WWOX: variants seen among roughly 807,000 people sequenced by gnomAD.
The protein encoded by WWOX is WW domain-containing oxidoreductase.
In WWOX, 69 loss-of-function variants were observed where a neutral mutation model predicts 46.2. That is an observed-to-expected ratio of 1.49 (90% CI 1.23 to 1.82). The LOEUF (loss-of-function observed/expected upper bound fraction) is 1.82. WWOX is among the 40% of genes most tolerant of loss of function. WWOX has a pLI of 0.00. For missense variants in WWOX, 919 were observed against 542.6 expected (o/e 1.69, Z -6.89); for synonymous variants, 359 against 202.6 (o/e 1.77, Z -6.56).
chr16:79,125,240 C>T (rs931193671), intron 8 of WWOX, among the ~76,000 whole-genome samples: 1 of 152,076 alleles, frequency 6.6e-6, no homozygotes, highest in African/African-American at 2.4e-5. Flanking sequence ...GCCAAGAATT[C>T]GATTGGCATT....
intron 8 of WWOX, among the ~76,000 whole-genome samples, chr16:79,180,978 T>C (rs1020350548): frequency 1.3e-5 from 2 of 152,226 alleles, no homozygotes; most frequent in Non-Finnish European, 2.9e-5. Flanking sequence ...GAGATCATAT[T>C]GTATGTCTGA....
At chr16:78,690,277 G>A (rs921621012) in intron 8 of WWOX, among the ~76,000 whole-genome samples, 8 of 152,158 alleles carry the variant, frequency 5.3e-5, no homozygotes, top group South Asian at 2.1e-4. Context: ...TTGGCCAGGC[G>A]TGGTGGCTCA....
intron 8 of WWOX, among the ~76,000 whole-genome samples, chr16:78,967,560 C>A (rs143607420): frequency 6.6e-6 from 1 of 151,014 alleles, no homozygotes; most frequent in Non-Finnish European, 1.5e-5. Context: ...CCATCTTGGC[C>A]TCCCAGAGTG....
intron 8 of WWOX, among the ~76,000 whole-genome samples, chr16:79,166,144 T>A (rs935910366): frequency 2.6e-5 from 4 of 152,206 alleles, no homozygotes; most frequent in African/African-American, 9.6e-5. Context: ...TGACTTTTTT[T>A]AATAGTGCAA....
At chr16:78,735,725 A>G (rs8046392) in intron 8 of WWOX, among the ~76,000 whole-genome samples, 34,125 of 152,098 alleles carry the variant, frequency 0.22, 4,800 homozygotes, top group African/African-American at 0.39. Context: ...TTCTATGTCA[A>G]TGATGGTACC....
intron 6 of WWOX, among the ~76,000 whole-genome samples, chr16:78,424,647 C>T (rs534028879): frequency 9.2e-5 from 14 of 152,284 alleles, no homozygotes; most frequent in African/African-American, 3.1e-4. Context: ...TCCTCAGCAA[C>T]GGAGGACAGT....
At chr16:78,896,856 T>C (rs1567633745) in intron 8 of WWOX, 1 of 152,030 alleles carries the variant, frequency 6.6e-6, no homozygotes, top group Non-Finnish European at 1.5e-5. Flanking sequence ...ATTAGCATAT[T>C]TTAAATATAC....
intron 8 of WWOX, chr16:78,552,503 C>T (rs2044197816): frequency 6.6e-6 from 1 of 152,204 alleles, no homozygotes; most frequent in South Asian, 2.1e-4. Flanking sequence ...TGCTGGTTTT[C>T]TGAGTGAGGG....
chr16:78,839,117 C>A (rs2052069869), intron 8 of WWOX, among the ~76,000 whole-genome samples: 1 of 152,158 alleles, frequency 6.6e-6, no homozygotes, highest in Admixed American at 6.5e-5. Context: ...TGAATCTACA[C>A]TTATCTCAAA....
intron 8 of WWOX, among the ~76,000 whole-genome samples, chr16:79,063,558 C>T (rs531629281): frequency 1.3e-5 from 2 of 152,256 alleles, no homozygotes; most frequent in South Asian, 2.1e-4. Context: ...TCTGGAAAAC[C>T]AAATGGAGAA....
chr16:78,834,812 T>A (rs2051931683), intron 8 of WWOX, among the ~76,000 whole-genome samples: 1 of 152,182 alleles, frequency 6.6e-6, no homozygotes, highest in South Asian at 2.1e-4. Flanking sequence ...ACCAAAAAAA[T>A]TATGCAATAT....
intron 5 of WWOX, among the ~76,000 whole-genome samples, chr16:78,309,315 G>T (rs1597464466): frequency 6.6e-6 from 1 of 152,174 alleles, no homozygotes; most frequent in East Asian, 1.9e-4. Flanking sequence ...CTGGTGCTTT[G>T]CTTCCACTCT....
intron 8 of WWOX, among the ~76,000 whole-genome samples, chr16:78,862,041 C>G (rs138201395): frequency 2.0e-3 from 306 of 152,134 alleles, no homozygotes; most frequent in African/African-American, 7.1e-3. Flanking sequence ...ACACATGTAT[C>G]TATTATATAT....
At chr16:78,656,008 G>A (rs1225942931) in intron 8 of WWOX, among the ~76,000 whole-genome samples, 2 of 152,174 alleles carry the variant, frequency 1.3e-5, no homozygotes, top group Non-Finnish European at 2.9e-5. Context: ...ACAACATTGA[G>A]TGAGGTCTAG....
At chr16:78,504,860 T>A (rs897750100) in intron 8 of WWOX, among the ~76,000 whole-genome samples, 1 of 152,056 alleles carries the variant, frequency 6.6e-6, no homozygotes, top group South Asian at 2.1e-4. Flanking sequence ...TTCTAGAATA[T>A]CTCGAGTTCT....
rs865793973 is a variant in WWOX at position 78,876,026 on chromosome 16, A to G, written c.1057-335582A>G. On this transcript the variant is annotated intron_variant, in intron 8 of 8. Transcript: ENST00000566780. ...TCTCCCACCCTCTCTTATTTTTATA[A>G]ACAGGCTCCATGGTACTATATACAC... Among the ~76,000 whole-genome samples the G allele has an allele frequency of 1.8e-4, 28 of 152,248 alleles. 1 individual carries two copies. Among genetic ancestry groups the G allele is most frequent in the African/African-American group, 5.3e-4 (22 of 41,540 alleles).
At chr16:78,798,689 A>G (rs1294290072) in intron 8 of WWOX, among the ~76,000 whole-genome samples, 1 of 152,092 alleles carries the variant, frequency 6.6e-6, no homozygotes, top group Non-Finnish European at 1.5e-5. Flanking sequence ...AGGGGTAAAT[A>G]AATATATTAA....
intron 8 of WWOX, among the ~76,000 whole-genome samples, chr16:78,559,335 G>T (rs1208894619): frequency 6.6e-6 from 1 of 152,204 alleles, no homozygotes; most frequent in Non-Finnish European, 1.5e-5. Flanking sequence ...TGGGCTCCTA[G>T]AATAGTCCCG....
intron 8 of WWOX, among the ~76,000 whole-genome samples, chr16:78,687,334 C>G (rs2738634): frequency 0.43 from 65,899 of 152,034 alleles, 14,861 homozygotes; most frequent in Admixed American, 0.59. Context: ...TAGATTAAAG[C>G]ATTGTACCTA....
Sources: allele counts gnomAD v4.1 joint callset (sites outside exome capture counted in the v4.1 genomes callset), GRCh38; gene constraint gnomAD v4.1.1; transcripts MANE v1.5; gene names NCBI Gene and HGNC (gene_info 2026-07-23, HGNC 2026-07-21).